Variants in EIF5B observed in about 807,000 individuals in gnomAD.
The protein encoded by EIF5B is eIF-5B.
EIF5B carries 47 observed loss-of-function variants against 147.5 expected under a neutral mutation model. The observed-to-expected ratio is 0.32, with a 90% CI of 0.25 to 0.41. The LOEUF (loss-of-function observed/expected upper bound fraction) is 0.41. Ranked by LOEUF, EIF5B falls within the 10% of genes least tolerant of loss-of-function variation. EIF5B has a pLI of 1.00. For missense variants in EIF5B, 1,064 were observed against 1,413.2 expected, an observed-to-expected ratio of 0.75 and a Z score of 3.96; for synonymous variants, 455 against 456.2, an observed-to-expected ratio of 1.00 and a Z score of 0.03.
In EIF5B at chr2:99,399,435, A is replaced by AC. The variant is rs763313816; in HGVS notation, c.*22dup. ...TCTAATTTTTTCACATGGAGCAGGA[A>AC]CTGGAGTAAATGCAATACTGTGTTG... On this transcript the variant is annotated 3_prime_UTR_variant, in exon 24 of 24. Coordinates refer to ENST00000289371, the MANE Select transcript of EIF5B (RefSeq NM_015904.4). The AC allele has an allele frequency of 3.7e-6, 6 of 1,606,050 alleles. No individual in the cohort carries two copies. The highest frequency in any genetic ancestry group is 1.7e-4 in the Middle Eastern group (1 of 6,038).
intron 1 of EIF5B, among the ~76,000 whole-genome samples, chr2:99,354,943 C>T (rs1674064291): frequency 6.6e-6 from 1 of 151,930 alleles, no homozygotes; most frequent in Non-Finnish European, 1.5e-5. Context: ...GCTGGGATTA[C>T]AGGCACCTGC....
intron 14 of EIF5B, among the ~76,000 whole-genome samples, chr2:99,383,847 T>C (rs532114409): frequency 8.8e-4 from 120 of 136,984 alleles, no homozygotes; most frequent in Non-Finnish European, 1.7e-3. Context: ...GCTTCAAAGC[T>C]TCAAAGGTCA....
At chr2:99,376,847 G>A (rs1254281850) in intron 10 of EIF5B, among the ~76,000 whole-genome samples, 4 of 152,192 alleles carry the variant, frequency 2.6e-5, no homozygotes, top group Non-Finnish European at 5.9e-5. Context: ...ATAGAATGGT[G>A]TGACTACTTC....
chr2:99,398,936 C>T, intron 23 of EIF5B, 27 bp downstream of exon 23: 1 of 1,604,570 alleles, frequency 6.2e-7, no homozygotes, highest in Non-Finnish European at 8.5e-7. Context: ...AAGTGGCACA[C>T]TTTAAGCAAC....
At chr2:99,350,514 C>T (rs1673927789) in intron 1 of EIF5B, among the ~76,000 whole-genome samples, 1 of 152,034 alleles carries the variant, frequency 6.6e-6, no homozygotes, top group South Asian at 2.1e-4. Context: ...TTGCATTTCC[C>T]TGATGTTTTT....
intron 1 of EIF5B, among the ~76,000 whole-genome samples, chr2:99,349,783 A>G (rs1026799249): frequency 6.6e-6 from 1 of 152,232 alleles, no homozygotes; most frequent in African/African-American, 2.4e-5. Flanking sequence ...CTATCACGTC[A>G]AACACTTGTC....
At chr2:99,364,451 T>G in intron 6 of EIF5B, 30 bp downstream of exon 6, 2 of 1,550,894 alleles carry the variant, frequency 1.3e-6, no homozygotes, top group Non-Finnish European at 8.7e-7. Flanking sequence ...AACTGAATGG[T>G]CAGAGAGCTC....
In EIF5B at chr2:99,337,426, G is replaced by A; in HGVS notation, c.-129G>A. 2.5e-6 allele frequency: 3 copies of A among 1,189,940 alleles called. No individual in the cohort carries two copies. The highest frequency in any genetic ancestry group is 3.0e-5 in the African/African-American group (2 of 66,068). The allele number at this position is 1,189,940 out of a possible 1,614,324, so 73.7% of individuals were successfully genotyped here. On this transcript the variant is annotated 5_prime_UTR_variant, in exon 1 of 24. Transcript: ENST00000289371. Reference sequence around the variant, plus strand: ...TCCTGTTCCAGTGCGCGGGTCTGTGGAGAGCCGGGTGCGAGCGGCGGCAGC... The same window carrying A: ...TCCTGTTCCAGTGCGCGGGTCTGTGAAGAGCCGGGTGCGAGCGGCGGCAGC...
intron 22 of EIF5B, chr2:99,397,660 T>C (rs1195631505): frequency 1.3e-5 from 2 of 152,282 alleles, no homozygotes; most frequent in Admixed American, 1.3e-4. Flanking sequence ...GCTGATGCTC[T>C]GATTTCCTGG....
At chr2:99,367,520 T>A (rs1163465881) in intron 6 of EIF5B, among the ~76,000 whole-genome samples, 1 of 151,298 alleles carries the variant, frequency 6.6e-6, no homozygotes, top group African/African-American at 2.4e-5. Flanking sequence ...CACTGCAACC[T>A]CTGCCTCCCA....
intron 18 of EIF5B, among the ~76,000 whole-genome samples, chr2:99,394,023 C>T (rs574945839): frequency 4.6e-5 from 7 of 152,258 alleles, no homozygotes; most frequent in South Asian, 4.1e-4. Context: ...CCAAGTGGAG[C>T]GGAGATTAAA....
intron 22 of EIF5B, 152 bp downstream of exon 22, chr2:99,397,050 T>G: frequency 2.7e-5 from 22 of 824,718 alleles, no homozygotes; most frequent in Non-Finnish European, 3.7e-5. Context: ...TTTCAGTGTT[T>G]TTACCTCAGT....
At chr2:99,347,883 G>C (rs548679094) in intron 1 of EIF5B, among the ~76,000 whole-genome samples, 1 of 152,232 alleles carries the variant, frequency 6.6e-6, no homozygotes, top group South Asian at 2.1e-4. Flanking sequence ...CTGTGATAAA[G>C]TGGCTGTCTG....
Position 99,337,574 on chromosome 2 carries a change from A to C in EIF5B, c.20A>C (p.Asn7Thr), listed in dbSNP as rs1035716832. ...CAAGCAATGGGGAAGAAACAGAAAA[A>C]CAAGAGCGAAGACAGGTAGATAGGG... Reference protein sequence around the residue: MGKKQKNKSEDSTKDDI... With the variant: MGKKQKTKSEDSTKDDI... The change falls in exon 1 of 24, where the codon AAC becomes ACC. Residue 7 changes from asparagine to threonine, a missense_variant. This residue lies in a region of EIF5B where 458 missense variants were observed against 451.3 expected (regional missense o/e 1.01). Coordinates refer to ENST00000289371, the MANE Select transcript of EIF5B (RefSeq NM_015904.4). 1.2e-6 allele frequency: 2 copies of C among 1,613,054 alleles called. No homozygotes were observed. The highest frequency in any genetic ancestry group is 1.7e-6 in the Non-Finnish European group (2 of 1,179,638).
At chr2:99,394,693 GT>G in intron 20 of EIF5B, 25 bp from the exon 21 acceptor site, 2 of 1,610,074 alleles carry the variant, frequency 1.2e-6, no homozygotes, top group Non-Finnish European at 1.7e-6. Flanking sequence ...TCACTGAATG[GT>G]CTTTGATGTG....
intron 6 of EIF5B, among the ~76,000 whole-genome samples, chr2:99,367,787 G>GA (rs1559250926): frequency 6.6e-6 from 1 of 152,054 alleles, no homozygotes; most frequent in Non-Finnish European, 1.5e-5. Context: ...GGGAATGCAA[G>GA]ATAGTATAGC....
chr2:99,339,736 C>A (rs2094255525), intron 1 of EIF5B, among the ~76,000 whole-genome samples: 1 of 152,046 alleles, frequency 6.6e-6, no homozygotes, highest in African/African-American at 2.4e-5. Flanking sequence ...CATTGGGAGA[C>A]AAGATGTTTA....
At position 99,361,569 on chromosome 2, in the gene EIF5B, T is replaced by A; in HGVS notation, c.668T>A (p.Phe223Tyr). 1 of 1,611,566 alleles carries A rather than the reference T, an allele frequency of 6.2e-7. No homozygotes were observed. The highest frequency in any genetic ancestry group is 8.5e-7 in the Non-Finnish European group (1 of 1,179,454). The change falls in exon 4 of 24, where the codon TTC (phenylalanine) becomes TAC (tyrosine). Residue 223 changes from phenylalanine (F) to tyrosine (Y), a missense_variant. Phe to Tyr is a conservative substitution (Grantham distance 22). Transcript: ENST00000289371. The stretch of plus-strand genomic sequence containing the variant: ...GGGAATGAAGATGATGACGCCTCCT[T>A]CAAAATTAAGACAGTGGCCCAAAAG... ...ESGNEDDDAS[F>Y]KIKTVAQKKA...
chr2:99,366,137 C>A (rs1422752444), intron 6 of EIF5B, among the ~76,000 whole-genome samples: 3 of 152,146 alleles, frequency 2.0e-5, no homozygotes, highest in African/African-American at 7.2e-5. Flanking sequence ...GTAATAAACT[C>A]ATTTCAGGCA....
Sources: allele counts gnomAD v4.1 joint callset (sites outside exome capture counted in the v4.1 genomes callset), GRCh38; gene constraint gnomAD v4.1.1; regional missense constraint gnomAD v4.1.1; transcripts MANE v1.5; gene names NCBI Gene and HGNC (gene_info 2026-07-23, HGNC 2026-07-21).